Variants in ITIH6 observed in about 807,000 individuals in gnomAD.
The protein encoded by ITIH6 is inter-alpha-trypsin inhibitor heavy chain H6.
ITIH6 carries 60 observed loss-of-function variants against 58.2 expected under a neutral mutation model. That is an observed-to-expected ratio of 1.03 (90% CI 0.84 to 1.28). The LOEUF (loss-of-function observed/expected upper bound fraction) is 1.28. Among genes scored for constraint, ITIH6 ranks in the 50% most tolerant of loss-of-function variants. The pLI is 0.00. For missense variants in ITIH6, 1,290 were observed against 1,021.1 expected (o/e 1.26, Z -3.59); for synonymous variants, 493 against 417.4 (o/e 1.18, Z -2.21).
intron 1 of ITIH6, among the ~76,000 whole-genome samples, chrX:54,797,896 C>A: frequency 9.0e-6 from 1 of 111,088 alleles, no homozygotes; most frequent in African/African-American, 3.3e-5. Context: ...TAGCCCAGCT[C>A]ACAGAGATGC....
At chrX:54,772,286 G>A (rs938271416) in intron 6 of ITIH6, among the ~76,000 whole-genome samples, 18 of 112,324 alleles carry the variant, frequency 1.6e-4, no homozygotes, top group African/African-American at 5.8e-4. Flanking sequence ...TTATCAGTGG[G>A]AGCTAAACAT....
chrX:54,756,951 C>A lies in ITIH6; in HGVS notation c.3109+14G>T, dbSNP rs1242151748. 1 of 1,108,473 alleles carries A rather than the reference C, an allele frequency of 9.0e-7. No homozygotes were observed. Among genetic ancestry groups the A allele is most frequent in the Non-Finnish European group, 1.2e-6 (1 of 822,228 alleles). The allele number at this position is 1,108,473 out of a possible 1,213,427, so 91.4% of individuals were successfully genotyped here. A position where few individuals can be genotyped will look rare whatever the true frequency, so the allele number is the denominator to read the frequency against. On this transcript the variant is annotated intron_variant, in intron 8 of 12. Transcript: ENST00000218436. ...CTCACCCTCATGGCTCGACCTCTTA[C>A]CCATGGCACTCACCATCTTCATCAG...
chrX:54,774,942 C>A (rs1395280679), intron 5 of ITIH6, among the ~76,000 whole-genome samples: 3 of 111,645 alleles, frequency 2.7e-5, no homozygotes, highest in Non-Finnish European at 5.7e-5. Context: ...TCTGTGCTAC[C>A]CTGAAGCTGA....
chrX:54,777,652 A>G (rs148806516), intron 5 of ITIH6, among the ~76,000 whole-genome samples: 1,129 of 112,456 alleles, frequency 0.01, 10 homozygotes, highest in Non-Finnish European at 0.012. Context: ...AGGAAAGCGA[A>G]TTAGTCTGCC....
intron 6 of ITIH6, among the ~76,000 whole-genome samples, chrX:54,769,160 G>C (rs1172941970): frequency 2.3e-5 from 2 of 88,778 alleles, no homozygotes; most frequent in African/African-American, 4.5e-5. Context: ...CTTTCTTCCA[G>C]TTGATCGCAT....
intron 9 of ITIH6, among the ~76,000 whole-genome samples, 180 bp downstream of exon 9, chrX:54,754,833 GACTA>G (rs1284835962): frequency 8.9e-6 from 1 of 112,292 alleles, no homozygotes; most frequent in Non-Finnish European, 1.9e-5. Context: ...CTAGACTACT[GACTA>G]ACAGAACTGT....
chrX:54,790,654 C>G (rs915381819), intron 4 of ITIH6, among the ~76,000 whole-genome samples, 183 bp downstream of exon 4: 1 of 111,689 alleles, frequency 9.0e-6, no homozygotes, highest in Non-Finnish European at 1.9e-5. Context: ...CTGTAAGGAC[C>G]AGGCCAAGGT....
chrX:54,770,085 G>A (rs1370236834), intron 6 of ITIH6, among the ~76,000 whole-genome samples: 2 of 112,426 alleles, frequency 1.8e-5, no homozygotes, highest in East Asian at 2.8e-4. Flanking sequence ...CTCATGGTGC[G>A]CCGTTTTTTA....
At chrX:54,776,250 C>A (rs1280395147) in intron 5 of ITIH6, among the ~76,000 whole-genome samples, 1 of 111,122 alleles carries the variant, frequency 9.0e-6, no homozygotes, top group Admixed American at 9.5e-5. Context: ...ACAGCCCTAG[C>A]TACACGTGAA....
intron 6 of ITIH6, among the ~76,000 whole-genome samples, chrX:54,772,330 G>A (rs1273593795): frequency 8.9e-6 from 1 of 111,926 alleles, no homozygotes; most frequent in Non-Finnish European, 1.9e-5. Context: ...GGGGACAAGA[G>A]ACACTGGGGC....
intron 5 of ITIH6, among the ~76,000 whole-genome samples, chrX:54,778,257 C>T (rs971624578): frequency 9.5e-6 from 1 of 105,585 alleles, no homozygotes; most frequent in African/African-American, 3.5e-5. Context: ...TGCAGTGGCA[C>T]GATGTTGGCT....
intron 5 of ITIH6, among the ~76,000 whole-genome samples, chrX:54,786,607 A>G (rs973942956): frequency 3.6e-5 from 4 of 111,176 alleles, no homozygotes; most frequent in African/African-American, 1.3e-4. Context: ...CTTTGCCGGA[A>G]TGCCTTTCCC....
chrX:54,779,385 C>A (rs749773296), intron 5 of ITIH6, among the ~76,000 whole-genome samples: 1 of 111,434 alleles, frequency 9.0e-6, no homozygotes, highest in South Asian at 3.7e-4. Context: ...AAATAAAAAG[C>A]AAGAGGATGA....
chrX:54,753,965 C>A lies in ITIH6; in HGVS notation c.3203G>T (p.Gly1068Val), dbSNP rs1400617992. 3 of 1,207,941 alleles carry A rather than the reference C, an allele frequency of 2.5e-6. No individual in the cohort carries two copies. The highest frequency in any genetic ancestry group is 1.8e-5 in the South Asian group (1 of 56,658). ...GAAGGTGAAGATGCTAGGCAATGTG[C>A]CTGCAAAGGAGAGAGAGACTGTGTT... is the stretch of plus-strand genomic sequence containing the variant. ...SQGSSVGLAKGTLPSIFTFSS... is the reference protein window; with the variant it reads ...SQGSSVGLAKVTLPSIFTFSS... Residue 1068 changes from glycine (G) to valine (V), a missense_variant and splice_region_variant, in exon 10 of 13, where the codon GGC becomes GTC. Gly to Val is a moderately radical substitution (Grantham distance 109). Coordinates refer to ENST00000218436, the MANE Select transcript of ITIH6 (RefSeq NM_198510.3).
intron 4 of ITIH6, 59 bp downstream of exon 4, chrX:54,790,778 T>A: frequency 8.4e-7 from 1 of 1,187,874 alleles, no homozygotes; most frequent in Non-Finnish European, 1.1e-6. Context: ...GTGGAATCGA[T>A]AAGGTTTTCA....
chrX:54,796,915 A>G lies in ITIH6; in HGVS notation c.257+27T>C, dbSNP rs771027130. Reference sequence around the variant, plus strand: ...GAACAAATATATGCACAAATGAATGAAGTGGTGACTTTGGAAGCAGACTTA... The same window carrying G: ...GAACAAATATATGCACAAATGAATGGAGTGGTGACTTTGGAAGCAGACTTA... On this transcript the variant is annotated intron_variant, in intron 2 of 12. Coordinates refer to ENST00000218436, the MANE Select transcript of ITIH6 (RefSeq NM_198510.3). 3.3e-6 allele frequency: 4 copies of G among 1,194,083 alleles called. No homozygotes were observed. In the Admixed American group the frequency reaches 8.8e-5, roughly 26 times the overall value.
At chrX:54,751,585 C>T (rs1213956889) in intron 11 of ITIH6, among the ~76,000 whole-genome samples, 1 of 112,194 alleles carries the variant, frequency 8.9e-6, no homozygotes, top group African/African-American at 3.2e-5. Context: ...CACACGCTTA[C>T]CCCAGTGTGG....
rs752729853 is a variant in ITIH6 at position 54,788,602 on chromosome X, A to C, written c.664T>G (p.Cys222Gly). ...GTCGGGCAGTAGGTGATTCGGACAC[A>C]GGTCTCTCCCCTCTCGATCCTGGTG... The part of the protein sequence containing the change: ...PSTRIERGET[C>G]VRITYCPTLQ... The change falls in exon 5 of 13, where the codon TGT becomes GGT. Residue 222 changes from cysteine to glycine, a missense_variant. Physicochemically the swap from Cys to Gly is radical, Grantham distance 159. Coordinates refer to ENST00000218436, the MANE Select transcript of ITIH6 (RefSeq NM_198510.3). 2 of 1,207,856 alleles carry C rather than the reference A, an allele frequency of 1.7e-6. No homozygotes were observed. Among genetic ancestry groups the C allele is most frequent in the Non-Finnish European group, 2.2e-6 (2 of 893,875 alleles).
rs140870488 is a variant in ITIH6, at chrX:54,755,233, C to G, written c.3110-124G>C. ...ACCTGCCCATCTCCAGGACTGGGAC[C>G]TTATGCTCTCCACAGCCTCTTAATC... On this transcript the variant is annotated intron_variant, in intron 8 of 12. Coordinates refer to ENST00000218436, the MANE Select transcript of ITIH6 (RefSeq NM_198510.3). 1.6e-3 allele frequency: 798 copies of G among 509,186 alleles called. 7 individuals are homozygous for G. Among genetic ancestry groups the G allele is most frequent in the East Asian group, 0.011 (320 of 28,146 alleles). The allele number at this position is 509,186 out of a possible 1,213,427, so 42.0% of individuals were successfully genotyped here. A position where few individuals can be genotyped will look rare whatever the true frequency, so the allele number is the denominator to read the frequency against.
Sources: allele counts gnomAD v4.1 joint callset (sites outside exome capture counted in the v4.1 genomes callset), GRCh38; gene constraint gnomAD v4.1.1; transcripts MANE v1.5; gene names NCBI Gene and HGNC (gene_info 2026-07-23, HGNC 2026-07-21).